Variants in RALYL observed in about 807,000 individuals in gnomAD.
The protein encoded by RALYL is RALY RNA binding protein like, also known as RNA-binding Raly-like protein.
A neutral mutation model predicts 35.1 loss-of-function variants in RALYL; 29 were observed. That is an observed-to-expected ratio of 0.83 (90% CI 0.61 to 1.13). RALYL has a LOEUF of 1.13. Among genes scored for constraint, RALYL ranks in the 50% most tolerant of loss-of-function variants. RALYL has a pLI of 0.00. For synonymous variants in RALYL, 120 were observed against 127.6 expected (o/e 0.94, Z 0.40); for missense variants, 359 against 360.4 (o/e 1.00, Z 0.03).
chr8:84,185,039 C>T, intron 1 of RALYL: 1 of 1,613,322 alleles, frequency 6.2e-7, no homozygotes, highest in Non-Finnish European at 8.5e-7. Context: ...GCCTATTTTG[C>T]TTTACCAAAG....
At chr8:84,675,808 G>T (rs1320127408) in intron 2 of RALYL, among the ~76,000 whole-genome samples, 1 of 151,998 alleles carries the variant, frequency 6.6e-6, no homozygotes, top group Non-Finnish European at 1.5e-5. Context: ...CAGGTGATGG[G>T]TGCTCTAAAA....
At chr8:84,289,014 TTTA>T (rs1838230456) in intron 1 of RALYL, among the ~76,000 whole-genome samples, 1 of 152,064 alleles carries the variant, frequency 6.6e-6, no homozygotes, top group Non-Finnish European at 1.5e-5. Context: ...TGGGAAGACT[TTTA>T]AGCGCTGGGG....
At chr8:84,829,876 GTATGT>G (rs1384884769) in intron 4 of RALYL, among the ~76,000 whole-genome samples, 1 of 151,792 alleles carries the variant, frequency 6.6e-6, no homozygotes. Flanking sequence ...TGTCTTTAGT[GTATGT>G]TATATCAATA....
chr8:84,769,306 C>T (rs1716694708), intron 2 of RALYL, among the ~76,000 whole-genome samples: 1 of 152,130 alleles, frequency 6.6e-6, no homozygotes, highest in African/African-American at 2.4e-5. Context: ...TTGGGTCTTT[C>T]CTCTACTCAG....
intron 1 of RALYL, among the ~76,000 whole-genome samples, chr8:84,385,533 T>G (rs1350470718): frequency 6.6e-6 from 1 of 151,822 alleles, no homozygotes; most frequent in Non-Finnish European, 1.5e-5. Flanking sequence ...CTGAAGGGCT[T>G]CTTCCTAGCT....
At chr8:84,288,885 A>G (rs759584757) in intron 1 of RALYL, among the ~76,000 whole-genome samples, 8 of 152,194 alleles carry the variant, frequency 5.3e-5, no homozygotes, top group Admixed American at 1.3e-4. Flanking sequence ...TTTATGCTGT[A>G]GAAGTACATA....
intron 2 of RALYL, among the ~76,000 whole-genome samples, chr8:84,686,057 T>A (rs917286677): frequency 2.0e-5 from 3 of 152,196 alleles, no homozygotes; most frequent in Non-Finnish European, 4.4e-5. Context: ...ACACAGCTGG[T>A]GCAGTTTTTT....
chr8:84,442,568 G>T (rs145531715), intron 1 of RALYL, among the ~76,000 whole-genome samples: 1 of 152,096 alleles, frequency 6.6e-6, no homozygotes, highest in Non-Finnish European at 1.5e-5. Flanking sequence ...TAGTTTCCAT[G>T]AGAGCTCCTC....
intron 1 of RALYL, among the ~76,000 whole-genome samples, chr8:84,497,528 A>T (rs2134150701): frequency 6.6e-6 from 1 of 152,252 alleles, no homozygotes; most frequent in African/African-American, 2.4e-5. Flanking sequence ...TAAGATTTAT[A>T]AGTGAGGATA....
chr8:84,902,400 A>T (rs1334490668), intron 8 of RALYL, among the ~76,000 whole-genome samples: 1 of 152,142 alleles, frequency 6.6e-6, no homozygotes, highest in Non-Finnish European at 1.5e-5. Flanking sequence ...CTCCCTCATG[A>T]TCCAATCATC....
chr8:84,844,919 GA>G (rs2134679791), intron 4 of RALYL, among the ~76,000 whole-genome samples: 1 of 151,940 alleles, frequency 6.6e-6, no homozygotes, highest in African/African-American at 2.4e-5. Context: ...ATTGAACGAT[GA>G]GAACACATGG....
chr8:84,433,104 A>G (rs2047317208), intron 1 of RALYL, among the ~76,000 whole-genome samples: 1 of 152,160 alleles, frequency 6.6e-6, no homozygotes, highest in African/African-American at 2.4e-5. Flanking sequence ...GTCTGTGCTT[A>G]TGGGAAACTT....
At chr8:84,672,422 C>T (rs114298059) in intron 2 of RALYL, among the ~76,000 whole-genome samples, 2,179 of 152,294 alleles carry the variant, frequency 0.014, 61 homozygotes, top group African/African-American at 0.049. Context: ...TCTGAGTCCT[C>T]CAACTGTTCC....
intron 2 of RALYL, among the ~76,000 whole-genome samples, chr8:84,699,935 C>T (rs1564396983): frequency 6.6e-6 from 1 of 152,122 alleles, no homozygotes; most frequent in African/African-American, 2.4e-5. Context: ...TAATTTCCTT[C>T]ATACTTTTAA....
chr8:84,913,043 G>GGT (rs374032007), intron 8 of RALYL, among the ~76,000 whole-genome samples: 4,761 of 140,732 alleles, frequency 0.034, 134 homozygotes, highest in South Asian at 0.062. Flanking sequence ...TAGGTAGGTA[G>GGT]ATAGATAGAT....
At chr8:84,796,773 TATC>T (rs1822021062) in intron 3 of RALYL, among the ~76,000 whole-genome samples, 1 of 152,232 alleles carries the variant, frequency 6.6e-6, no homozygotes, top group African/African-American at 2.4e-5. Context: ...ATTTATAAAA[TATC>T]ATGCTAAATT....
At chr8:84,841,307 G>A (rs1267530089) in intron 4 of RALYL, among the ~76,000 whole-genome samples, 1 of 151,980 alleles carries the variant, frequency 6.6e-6, no homozygotes, top group Admixed American at 6.6e-5. Context: ...AAAAAGGCAG[G>A]GGTTGCAATC....
intron 1 of RALYL, among the ~76,000 whole-genome samples, chr8:84,332,187 G>A (rs1846945650): frequency 6.6e-6 from 1 of 152,044 alleles, no homozygotes; most frequent in Non-Finnish European, 1.5e-5. Context: ...GTGTAGAAGA[G>A]AAGGGCATTT....
At chr8:84,668,949 A>ACATC (rs529680899) in intron 2 of RALYL, among the ~76,000 whole-genome samples, 9,890 of 150,664 alleles carry the variant, frequency 0.066, 367 homozygotes, top group African/African-American at 0.11. Context: ...GTTCAACAAC[A>ACATC]CATCCATCCA....
Sources: gnomAD v4.1 joint callset for allele counts (sites outside exome capture counted in the v4.1 genomes callset) on GRCh38, gnomAD v4.1.1 for gene constraint, MANE v1.5 for transcripts, NCBI Gene and HGNC (gene_info 2026-07-23, HGNC 2026-07-21) for gene names.